The following ARHGAP20 variants were observed in gnomAD, a reference collection of about 807,000 sequenced individuals.
ARHGAP20 encodes rho GTPase-activating protein 20.
ARHGAP20 carries 34 observed loss-of-function variants against 73.7 expected under a neutral mutation model. That is an observed-to-expected ratio of 0.46 (90% CI 0.35 to 0.61). The LOEUF (loss-of-function observed/expected upper bound fraction) is 0.61. ARHGAP20 is among the 20% of genes least tolerant of loss of function. The probability of loss-of-function intolerance (pLI) is 0.00; values close to 1 mark genes in which losing one functional copy is unlikely to be tolerated. For missense variants in ARHGAP20, 1,314 were observed against 1,420.9 expected, an observed-to-expected ratio of 0.92 and a Z score of 1.21; for synonymous variants, 523 against 518.2, an observed-to-expected ratio of 1.01 and a Z score of -0.13.
At chr11:110,610,032 TGAG>T (rs1184044369) in intron 7 of ARHGAP20, among the ~76,000 whole-genome samples, 7 of 152,262 alleles carry the variant, frequency 4.6e-5, no homozygotes, top group African/African-American at 1.2e-4. Flanking sequence ...TTTTTTGGTC[TGAG>T]GAGATTAATA....
At chr11:110,702,234 C>A (rs959153275) in intron 1 of ARHGAP20, among the ~76,000 whole-genome samples, 1 of 152,094 alleles carries the variant, frequency 6.6e-6, no homozygotes, top group African/African-American at 2.4e-5. Context: ...GTTCAATATA[C>A]GCAAATCAAT....
chr11:110,640,416 A>G (rs1949054615), intron 2 of ARHGAP20, among the ~76,000 whole-genome samples: 1 of 151,926 alleles, frequency 6.6e-6, no homozygotes, highest in African/African-American at 2.4e-5. Flanking sequence ...AACTCTGCAG[A>G]GTGTTAGGGA....
At position 110,577,101 on chromosome 11, in the gene ARHGAP20, T is replaced by C; in HGVS notation, c.*2269A>G. 3 of 1,531,320 alleles carry C rather than the reference T, an allele frequency of 2.0e-6. No homozygotes were observed. The highest frequency in any genetic ancestry group is 1.7e-6 in the Non-Finnish European group (2 of 1,144,124). 94.9% of individuals were successfully genotyped at this position (1,531,320 alleles called of 1,614,324 possible). On this transcript the variant is annotated 3_prime_UTR_variant, in exon 15 of 15. Coordinates refer to ENST00000683387, the MANE Select transcript of ARHGAP20 (RefSeq NM_001384657.1). ...ACAGACAGCATGGACTTCATACATA[T>C]CCATTATCAGTGCCTTGAAAACCAA...
chr11:110,594,726 A>G (rs1280724356), intron 9 of ARHGAP20, among the ~76,000 whole-genome samples: 2 of 152,162 alleles, frequency 1.3e-5, no homozygotes, highest in African/African-American at 4.8e-5. Flanking sequence ...AGGAACTGGT[A>G]CCATTCCTTC....
At chr11:110,701,415 C>A (rs1009380450) in intron 1 of ARHGAP20, among the ~76,000 whole-genome samples, 2 of 151,946 alleles carry the variant, frequency 1.3e-5, no homozygotes, top group Non-Finnish European at 2.9e-5. Flanking sequence ...TGTCCTTTGC[C>A]CACTTTCTGA....
chr11:110,622,006 T>C (rs941164304), intron 4 of ARHGAP20, among the ~76,000 whole-genome samples: 7 of 152,204 alleles, frequency 4.6e-5, no homozygotes, highest in Admixed American at 2.6e-4. Flanking sequence ...CTCATGCATG[T>C]GGGGTTTGGT....
rs531581513 is a variant in ARHGAP20 at position 110,648,251 on chromosome 11, G to T, written c.189-17459C>A. Reference sequence around the variant, plus strand: ...TATATATATATGTAAATATATATATGTAAATATATATATGTAAATATATAT... The same window carrying T: ...TATATATATATGTAAATATATATATTTAAATATATATATGTAAATATATAT... On this transcript the variant is annotated intron_variant, in intron 2 of 14. Coordinates refer to ENST00000683387, the MANE Select transcript of ARHGAP20 (RefSeq NM_001384657.1). Among the ~76,000 whole-genome samples, 431 of 79,342 alleles carry T rather than the reference G, an allele frequency of 5.4e-3. 5 individuals are homozygous for T. Among genetic ancestry groups the T allele is most frequent in the African/African-American group, 0.019 (400 of 21,458 alleles). The allele number at this position is 79,342 out of a possible 152,430, so 52.1% of individuals were successfully genotyped here. A position where few individuals can be genotyped will look rare whatever the true frequency, so the allele number is the denominator to read the frequency against.
chr11:110,622,683 G>C (rs762733872), intron 4 of ARHGAP20, among the ~76,000 whole-genome samples: 26 of 152,212 alleles, frequency 1.7e-4, no homozygotes, highest in Admixed American at 5.2e-4. Context: ...AGATTTTAAG[G>C]GGTGCTGGTC....
chr11:110,711,904 G>A lies in ARHGAP20; in HGVS notation c.105+223C>T, dbSNP rs369209578. On this transcript the variant is annotated intron_variant, in intron 1 of 14. Transcript: ENST00000683387. ...GCGAGGTCGCTCGAGGAGAGACTAA[G>A]GCTCTAGAAACGGAGAAGCGGGCGC... 1.3e-4 allele frequency: 171 copies of A among 1,276,228 alleles called. No individual in the cohort carries two copies. In the East Asian group the frequency reaches 2.7e-3, roughly 20 times the overall value. The allele number at this position is 1,276,228 out of a possible 1,614,324, so 79.1% of individuals were successfully genotyped here.
chr11:110,659,157 C>G (rs1263180766), intron 2 of ARHGAP20, among the ~76,000 whole-genome samples: 1 of 147,492 alleles, frequency 6.8e-6, no homozygotes, highest in Non-Finnish European at 1.5e-5. Context: ...AATGGTTGAA[C>G]TAGTTTACAG....
chr11:110,612,993 TA>T (rs1234412807), intron 6 of ARHGAP20, among the ~76,000 whole-genome samples: 2 of 152,304 alleles, frequency 1.3e-5, no homozygotes, highest in Non-Finnish European at 2.9e-5. Context: ...CTTCTGATTT[TA>T]AAAAAGTCTA....
At chr11:110,704,333 G>A (rs1349421235) in intron 1 of ARHGAP20, among the ~76,000 whole-genome samples, 2 of 152,186 alleles carry the variant, frequency 1.3e-5, no homozygotes, top group African/African-American at 4.8e-5. Context: ...GTGAGCTGAT[G>A]TGGGGCACAC....
chr11:110,673,864 G>A (rs1334034490), intron 2 of ARHGAP20, among the ~76,000 whole-genome samples: 2 of 151,822 alleles, frequency 1.3e-5, no homozygotes, highest in East Asian at 3.9e-4. Flanking sequence ...TGATGGCTAA[G>A]GTAACAAATT....
chr11:110,612,587 A>G (rs988688239), intron 6 of ARHGAP20, among the ~76,000 whole-genome samples: 2 of 152,238 alleles, frequency 1.3e-5, no homozygotes, highest in East Asian at 1.9e-4. Context: ...CATGAGAATT[A>G]TAAGATTAAA....
intron 1 of ARHGAP20, among the ~76,000 whole-genome samples, chr11:110,698,379 T>C (rs959846871): frequency 6.6e-6 from 1 of 151,846 alleles, no homozygotes; most frequent in Non-Finnish European, 1.5e-5. Flanking sequence ...GCCTATAGTT[T>C]TTGTTTTCCA....
intron 1 of ARHGAP20, among the ~76,000 whole-genome samples, chr11:110,691,582 T>C (rs1183450444): frequency 4.6e-5 from 7 of 152,222 alleles, no homozygotes; most frequent in African/African-American, 1.2e-4. Context: ...TATCCTATTA[T>C]GTGATTCATA....
intron 9 of ARHGAP20, among the ~76,000 whole-genome samples, chr11:110,603,816 C>A (rs996578977): frequency 6.6e-6 from 1 of 152,052 alleles, no homozygotes; most frequent in African/African-American, 2.4e-5. Flanking sequence ...AAATTAGATG[C>A]TTGTAGGATG....
chr11:110,592,333 T>C (rs1472695599), intron 9 of ARHGAP20, among the ~76,000 whole-genome samples, 178 bp from the exon 10 acceptor site: 1 of 152,196 alleles, frequency 6.6e-6, no homozygotes, highest in Admixed American at 6.5e-5. Flanking sequence ...ATCTTATAAA[T>C]GAAAGATGAA....
chr11:110,592,501 A>G (rs1439617124), intron 9 of ARHGAP20, among the ~76,000 whole-genome samples: 1 of 152,206 alleles, frequency 6.6e-6, no homozygotes, highest in Non-Finnish European at 1.5e-5. Flanking sequence ...ATACAAACCC[A>G]TTTATTTTCC....
Sources: gnomAD v4.1 joint callset for allele counts (sites outside exome capture counted in the v4.1 genomes callset) on GRCh38, gnomAD v4.1.1 for gene constraint, MANE v1.5 for transcripts, NCBI Gene and HGNC (gene_info 2026-07-23, HGNC 2026-07-21) for gene names.